Variants in KATNBL1 observed in about 807,000 individuals in gnomAD.
The protein encoded by KATNBL1 is katanin regulatory subunit B1 like 1.
Under a neutral mutation model 44.7 loss-of-function variants are expected in KATNBL1, and 28 were observed. That is an observed-to-expected ratio of 0.63 (90% CI 0.46 to 0.86). The LOEUF is 0.86. Among genes scored for constraint, KATNBL1 ranks in the 40% least tolerant of loss-of-function variants. KATNBL1 has a pLI of 0.00. For missense variants in KATNBL1, 272 were observed against 350.7 expected, an observed-to-expected ratio of 0.78 and a Z score of 1.79; for synonymous variants, 78 against 114.9, an observed-to-expected ratio of 0.68 and a Z score of 2.06.
At chr15:34,188,164 A>AAAAAAAAAAAAAAAAAAAAAAAAT (rs1889775032) in intron 1 of KATNBL1, among the ~76,000 whole-genome samples, 1 of 144,232 alleles carries the variant, frequency 6.9e-6, no homozygotes, top group Non-Finnish European at 1.5e-5. Flanking sequence ...AAAAAAAAAA[A>AAAAAAAAAAAAAAAAAAAAAAAAT]AGAAAATTCA....
At chr15:34,208,622 GA>G (rs1388990092) in intron 1 of KATNBL1, 2 of 152,168 alleles carry the variant, frequency 1.3e-5, no homozygotes, top group African/African-American at 4.8e-5. Context: ...TAAAGGAATT[GA>G]AAACATAAAT....
At chr15:34,157,463 G>A (rs1002228412) in intron 2 of KATNBL1, among the ~76,000 whole-genome samples, 1 of 152,196 alleles carries the variant, frequency 6.6e-6, no homozygotes, top group Non-Finnish European at 1.5e-5. Flanking sequence ...TGATGTTGGT[G>A]TACTGGAAAC....
chr15:34,144,404 A>G (rs988398697), intron 9 of KATNBL1, among the ~76,000 whole-genome samples: 1 of 151,070 alleles, frequency 6.6e-6, no homozygotes, highest in African/African-American at 2.4e-5. Context: ...CATGACATAA[A>G]TCCTCTTATT....
chr15:34,193,430 A>G (rs1228780751), intron 1 of KATNBL1, among the ~76,000 whole-genome samples: 1 of 151,628 alleles, frequency 6.6e-6, no homozygotes, highest in Non-Finnish European at 1.5e-5. Context: ...GCTATTCAGG[A>G]GGCTGAGACA....
intron 1 of KATNBL1, among the ~76,000 whole-genome samples, chr15:34,207,297 C>G (rs1441911668): frequency 6.6e-5 from 10 of 152,190 alleles, no homozygotes; most frequent in Admixed American, 6.5e-4. Flanking sequence ...CAACCTCTGC[C>G]TCCTGGGTTC....
At chr15:34,193,527 CTT>C (rs1469799006) in intron 1 of KATNBL1, among the ~76,000 whole-genome samples, 1 of 152,032 alleles carries the variant, frequency 6.6e-6, no homozygotes, top group Admixed American at 6.6e-5. Flanking sequence ...GAGCAAGACT[CTT>C]GTCTCAAAAA....
At position 34,148,795 on chromosome 15, in the gene KATNBL1, G is replaced by A. The variant is rs762827424; in HGVS notation, c.439-45C>T. On this transcript the variant is annotated intron_variant, in intron 4 of 9. Coordinates refer to ENST00000256544, the MANE Select transcript of KATNBL1 (RefSeq NM_024713.3). ...TTTGTTAAAAAGCACACTGAAACAG[G>A]GTATGAAACTATTTTTTTATTAAAT... The A allele has an allele frequency of 3.8e-6, 4 of 1,047,438 alleles. No individual in the cohort carries two copies. In the East Asian group the frequency reaches 7.2e-5, roughly 19 times the overall value. 64.9% of individuals were successfully genotyped at this position (1,047,438 alleles called of 1,614,324 possible).
At chr15:34,143,078 C>A in intron 9 of KATNBL1, 1 of 1,172,508 alleles carries the variant, frequency 8.5e-7, no homozygotes, top group Non-Finnish European at 1.1e-6. Flanking sequence ...AAGAAAGTCT[C>A]ATCATAAGGA....
chr15:34,172,177 A>T (rs897705976), intron 1 of KATNBL1, among the ~76,000 whole-genome samples: 4 of 151,310 alleles, frequency 2.6e-5, no homozygotes, highest in African/African-American at 9.7e-5. Context: ...GGCTCACTAG[A>T]TCCTCTTTCT....
At chr15:34,182,842 G>T (rs910107563) in intron 1 of KATNBL1, among the ~76,000 whole-genome samples, 1 of 152,204 alleles carries the variant, frequency 6.6e-6, no homozygotes, top group African/African-American at 2.4e-5. Context: ...CAGAGACAGG[G>T]AAGGAAGCTG....
chr15:34,161,218 G>C (rs777240234), intron 2 of KATNBL1, among the ~76,000 whole-genome samples: 9 of 152,158 alleles, frequency 5.9e-5, no homozygotes, highest in Non-Finnish European at 1.3e-4. Context: ...TTCTTACCTT[G>C]GTCTATGCAC....
At position 34,154,694 on chromosome 15, in the gene KATNBL1, G is replaced by T. The variant is rs147220991; in HGVS notation, c.118-10C>A. ...TTGGAGATTTCTTAACCTGAAAAAT[G>T]AAAGTAGATAGTTGATGTTAGAAAC... On this transcript the variant is annotated splice_polypyrimidine_tract_variant and intron_variant, in intron 2 of 9. Coordinates refer to ENST00000256544, the MANE Select transcript of KATNBL1 (RefSeq NM_024713.3). 5.2e-6 allele frequency: 8 copies of T among 1,548,846 alleles called. No individual in the cohort carries two copies. The East Asian group carries it at 6.7e-5, about 13-fold the overall frequency.
chr15:34,202,150 C>T (rs1038104265), intron 1 of KATNBL1, among the ~76,000 whole-genome samples: 25 of 152,080 alleles, frequency 1.6e-4, no homozygotes, highest in African/African-American at 6.0e-4. Flanking sequence ...CATTTTTGAC[C>T]CTTGTTTGCC....
chr15:34,143,793 C>CA (rs560420668), intron 9 of KATNBL1, among the ~76,000 whole-genome samples: 558 of 64,142 alleles, frequency 8.7e-3, no homozygotes, highest in East Asian at 0.021. Flanking sequence ...ACTAAAAATA[C>CA]AAAAAAAAAA....
At chr15:34,193,244 A>C (rs1250643342) in intron 1 of KATNBL1, among the ~76,000 whole-genome samples, 2 of 143,232 alleles carry the variant, frequency 1.4e-5, no homozygotes, top group African/African-American at 2.6e-5. Flanking sequence ...AACAAAAAAA[A>C]AACTTAAGGC....
At chr15:34,161,706 C>A (rs2140927121) in intron 2 of KATNBL1, among the ~76,000 whole-genome samples, 1 of 152,188 alleles carries the variant, frequency 6.6e-6, no homozygotes, top group East Asian at 1.9e-4. Flanking sequence ...GGGGTATGAG[C>A]TGGAGTGGTG....
At chr15:34,183,710 T>G (rs546220438) in intron 1 of KATNBL1, among the ~76,000 whole-genome samples, 11 of 152,230 alleles carry the variant, frequency 7.2e-5, no homozygotes, top group African/African-American at 2.4e-4. Flanking sequence ...CCTGAGAGAA[T>G]ATTTTGATGT....
At chr15:34,163,312 G>A (rs181829539) in intron 2 of KATNBL1, among the ~76,000 whole-genome samples, 1 of 151,968 alleles carries the variant, frequency 6.6e-6, no homozygotes, top group Admixed American at 6.6e-5. Flanking sequence ...CCAAAGTGCT[G>A]GAATTACAGG....
chr15:34,187,180 C>A (rs541019347), intron 1 of KATNBL1, among the ~76,000 whole-genome samples: 1 of 152,168 alleles, frequency 6.6e-6, no homozygotes, highest in Non-Finnish European at 1.5e-5. Context: ...GACGACCAGG[C>A]GGAAGAGAGA....
Sources: gnomAD v4.1 joint callset for allele counts (sites outside exome capture counted in the v4.1 genomes callset) on GRCh38, gnomAD v4.1.1 for gene constraint, MANE v1.5 for transcripts, NCBI Gene and HGNC (gene_info 2026-07-23, HGNC 2026-07-21) for gene names.